The following GALNT17 variants were observed in gnomAD, a reference collection of about 807,000 sequenced individuals.
GALNT17 encodes the protein UDP-GalNAc:polypeptide N-acetylgalactosaminyltransferase-like 3.
In GALNT17, 29 loss-of-function variants were observed where a neutral mutation model predicts 63.7. The observed-to-expected ratio is 0.46, with a 90% CI of 0.34 to 0.62. The LOEUF (loss-of-function observed/expected upper bound fraction) is 0.62, where lower values mean the gene tolerates loss of function less well. Among genes scored for constraint, GALNT17 ranks in the 20% least tolerant of loss-of-function variants. The pLI is 0.01. For synonymous variants in GALNT17, 305 were observed against 318.3 expected, an observed-to-expected ratio of 0.96 and a Z score of 0.45; for missense variants, 603 against 799.6, an observed-to-expected ratio of 0.75 and a Z score of 2.97.
intron 3 of GALNT17, among the ~76,000 whole-genome samples, chr7:71,401,032 AC>A (rs1435672133): frequency 2.0e-5 from 3 of 152,020 alleles, no homozygotes; most frequent in Non-Finnish European, 4.4e-5. Context: ...TTTTCCTTAA[AC>A]TACTATGAGA....
intron 5 of GALNT17, among the ~76,000 whole-genome samples, chr7:71,566,533 T>G (rs1292505980): frequency 6.6e-6 from 1 of 152,148 alleles, no homozygotes; most frequent in African/African-American, 2.4e-5. Flanking sequence ...AGTCCCCTGC[T>G]TCTGTGCTGA....
intron 1 of GALNT17, among the ~76,000 whole-genome samples, chr7:71,207,030 C>T (rs547207978): frequency 5.9e-5 from 9 of 151,918 alleles, no homozygotes; most frequent in East Asian, 5.8e-4. Flanking sequence ...GGTGTGAACC[C>T]GGGAGGTGGA....
intron 5 of GALNT17, among the ~76,000 whole-genome samples, chr7:71,524,755 C>T (rs903794435): frequency 1.3e-5 from 2 of 152,084 alleles, no homozygotes; most frequent in African/African-American, 4.8e-5. Flanking sequence ...GCCTTATTTT[C>T]TTAGTGTTTG....
intron 5 of GALNT17, among the ~76,000 whole-genome samples, chr7:71,445,787 G>A (rs1005292237): frequency 5.9e-5 from 9 of 152,112 alleles, no homozygotes; most frequent in Non-Finnish European, 7.4e-5. Context: ...GACCTTGGGC[G>A]GGAAGCTGGG....
rs1789589194 is a variant in GALNT17 at position 71,221,780 on chromosome 7, A to G, written c.238+88740A>G. Among the ~76,000 whole-genome samples, 3 of 152,214 alleles carry G rather than the reference A, an allele frequency of 2.0e-5. No homozygotes were observed. In the South Asian group the frequency reaches 6.2e-4, roughly 32 times the overall value. ...TGTTTTGAAATAGTTTTAGACTTGC[A>G]GGAAAGTTGCAAAGATAATACAGAG... On this transcript the variant is annotated intron_variant, in intron 1 of 10. Coordinates refer to ENST00000333538, the MANE Select transcript of GALNT17 (RefSeq NM_022479.3).
Position 71,133,028 on chromosome 7 carries a change from C to A in GALNT17, c.226C>A (p.Arg76=). 3 of 1,581,044 alleles carry A rather than the reference C, an allele frequency of 1.9e-6. No homozygotes were observed. The highest frequency in any genetic ancestry group is 2.3e-5 in the East Asian group (1 of 43,372). Residue 76 remains arginine, a synonymous_variant, in exon 1 of 11, where the codon CGG becomes AGG. Transcript: ENST00000333538. ...RLSLLEDIVY[R]QLNGLSKSLG... is the part of the protein sequence containing the mutation. ...GTCGCTGCTGGAGGACATCGTGTAC[C>A]GGCAGCTGAATGGTAAGGACGCACG... is the stretch of plus-strand genomic sequence containing the variant.
At chr7:71,193,724 G>A (rs1788995577) in intron 1 of GALNT17, among the ~76,000 whole-genome samples, 1 of 151,866 alleles carries the variant, frequency 6.6e-6, no homozygotes, top group Non-Finnish European at 1.5e-5. Flanking sequence ...TTTGGATGTG[G>A]AGTTTAATTT....
Position 71,415,908 on chromosome 7 carries a change from AGAG to A in GALNT17, c.613_615del (p.Glu205del), listed in dbSNP as rs1793515529. 1 of 1,610,404 alleles carries A rather than the reference AGAG, an allele frequency of 6.2e-7. No homozygotes were observed. Among genetic ancestry groups the A allele is most frequent in the African/African-American group, 1.3e-5 (1 of 74,866 alleles). ...TTGCAGAGGAGCTGAAGGTCCCCCTAGAGGAGTATGTCCACAAACGCTACCCCG... is the reference window on the plus strand; with the variant it reads ...TTGCAGAGGAGCTGAAGGTCCCCCTAGAGTATGTCCACAAACGCTACCCCG... On this transcript the variant is annotated inframe_deletion, in exon 4 of 11. Transcript: ENST00000333538.
intron 3 of GALNT17, among the ~76,000 whole-genome samples, chr7:71,400,364 A>G (rs1793219179): frequency 6.6e-6 from 1 of 152,226 alleles, no homozygotes. Flanking sequence ...TCCATGGTGT[A>G]TATCAAGAAC....
At chr7:71,241,310 G>A (rs1238662628) in intron 1 of GALNT17, among the ~76,000 whole-genome samples, 1 of 152,108 alleles carries the variant, frequency 6.6e-6, no homozygotes, top group African/African-American at 2.4e-5. Context: ...AACTTCTGTT[G>A]TATCCTTCCC....
chr7:71,453,431 C>T (rs1158919003), intron 5 of GALNT17, among the ~76,000 whole-genome samples: 3 of 152,128 alleles, frequency 2.0e-5, no homozygotes, highest in Non-Finnish European at 2.9e-5. Flanking sequence ...GCACGTCTAA[C>T]GTGGTGGTAG....
intron 1 of GALNT17, among the ~76,000 whole-genome samples, chr7:71,185,219 T>C (rs1348395785): frequency 1.3e-5 from 2 of 148,998 alleles, no homozygotes; most frequent in Admixed American, 6.7e-5. Flanking sequence ...CTCTCTCTCT[T>C]TCTTCAGACA....
At chr7:71,503,496 C>A (rs779601080) in intron 5 of GALNT17, among the ~76,000 whole-genome samples, 3 of 152,134 alleles carry the variant, frequency 2.0e-5, no homozygotes, top group Non-Finnish European at 4.4e-5. Flanking sequence ...CCCGGCCTCC[C>A]AAAGTGCTAG....
At chr7:71,412,474 C>T (rs879608823) in intron 3 of GALNT17, among the ~76,000 whole-genome samples, 4 of 152,122 alleles carry the variant, frequency 2.6e-5, no homozygotes, top group South Asian at 2.1e-4. Context: ...CAGGATCATG[C>T]GATTCTCCTG....
intron 5 of GALNT17, among the ~76,000 whole-genome samples, chr7:71,569,676 G>A (rs536340351): frequency 6.6e-6 from 1 of 152,244 alleles, no homozygotes; most frequent in South Asian, 2.1e-4. Flanking sequence ...GTCTTGAATG[G>A]CTGTGTCCAT....
chr7:71,428,880 C>A (rs1786809716), intron 5 of GALNT17, among the ~76,000 whole-genome samples: 1 of 152,178 alleles, frequency 6.6e-6, no homozygotes, highest in Admixed American at 6.5e-5. Context: ...AGGGCACGTT[C>A]CCTTTCGTAA....
At chr7:71,711,475 CCT>C (rs1334324410) in intron 10 of GALNT17, among the ~76,000 whole-genome samples, 2 of 151,426 alleles carry the variant, frequency 1.3e-5, no homozygotes, top group African/African-American at 2.4e-5. Context: ...GATAGTTAAG[CCT>C]CTCTCTCTCT....
At chr7:71,655,984 C>A (rs1370425279) in intron 6 of GALNT17, among the ~76,000 whole-genome samples, 1 of 152,158 alleles carries the variant, frequency 6.6e-6, no homozygotes, top group Non-Finnish European at 1.5e-5. Flanking sequence ...ATTTGTTCCT[C>A]TTTTCCCACC....
chr7:71,495,012 T>C (rs755898735), intron 5 of GALNT17, among the ~76,000 whole-genome samples: 30 of 152,226 alleles, frequency 2.0e-4, no homozygotes, highest in Admixed American at 3.3e-4. Context: ...GGCTCATGCC[T>C]GTAATCCCAT....
Sources: allele counts gnomAD v4.1 joint callset (sites outside exome capture counted in the v4.1 genomes callset), GRCh38; gene constraint gnomAD v4.1.1; transcripts MANE v1.5; gene names NCBI Gene and HGNC (gene_info 2026-07-23, HGNC 2026-07-21).